APOO: variants seen among roughly 807,000 people sequenced by gnomAD.
The protein encoded by APOO is MICOS complex subunit MIC26.
In APOO, 11 loss-of-function variants were observed where a neutral mutation model predicts 23.1. The observed-to-expected ratio is 0.48, with a 90% CI of 0.30 to 0.79. The LOEUF (loss-of-function observed/expected upper bound fraction) is 0.79. Among genes scored for constraint, APOO ranks in the 30% least tolerant of loss-of-function variants. The pLI is 0.07. For synonymous variants in APOO, 59 were observed against 54.8 expected (o/e 1.08, Z -0.34); for missense variants, 160 against 142.7 (o/e 1.12, Z -0.62).
intron 7 of APOO, among the ~76,000 whole-genome samples, chrX:23,853,768 G>C (rs913554374): frequency 1.8e-5 from 2 of 110,196 alleles, no homozygotes; most frequent in South Asian, 3.9e-4. Context: ...TGGGACTACA[G>C]GTGCATGCCA....
intron 5 of APOO, among the ~76,000 whole-genome samples, chrX:23,864,452 G>A (rs1005552364): frequency 9.0e-6 from 1 of 110,536 alleles, no homozygotes. Flanking sequence ...ACAGGCACCC[G>A]CCACCACGCC....
At chrX:23,834,145 A>G (rs1569222425) in intron 8 of APOO, among the ~76,000 whole-genome samples, 1 of 110,525 alleles carries the variant, frequency 9.0e-6, no homozygotes, top group African/African-American at 3.3e-5. Context: ...CTGTAATCCC[A>G]GCACTTTAGG....
chrX:23,880,800 T>G (rs773759275), intron 2 of APOO, 45 bp downstream of exon 2: 35 of 893,503 alleles, frequency 3.9e-5, no homozygotes, highest in Non-Finnish European at 5.3e-5. Context: ...CTACAGTAAC[T>G]AAATCAGACA....
intron 1 of APOO, among the ~76,000 whole-genome samples, chrX:23,888,745 G>A (rs180673583): frequency 1.1e-3 from 113 of 107,022 alleles, no homozygotes; most frequent in Middle Eastern, 4.8e-3. Flanking sequence ...AGCTACTCGG[G>A]AGGCTGAGGC....
At chrX:23,891,628 T>C (rs1287363707) in intron 1 of APOO, among the ~76,000 whole-genome samples, 1 of 111,895 alleles carries the variant, frequency 8.9e-6, no homozygotes, top group Non-Finnish European at 1.9e-5. Context: ...GTTTCCTGTG[T>C]TTCTAACTCC....
At chrX:23,899,299 CAA>C (rs1927032490) in intron 1 of APOO, among the ~76,000 whole-genome samples, 1 of 112,409 alleles carries the variant, frequency 8.9e-6, no homozygotes, top group South Asian at 3.6e-4. Context: ...GCTTAACAAT[CAA>C]AGTCATAGGC....
At position 23,841,119 on chromosome X, in the gene APOO, G is replaced by A. The variant is rs7473255; in HGVS notation, c.562-742C>T. On this transcript the variant is annotated intron_variant, in intron 7 of 8. Coordinates refer to ENST00000379226, the MANE Select transcript of APOO (RefSeq NM_024122.5). ...GAGGCTGCAGCTGGGCGGGCCATGG[G>A]GGCTAAGATTCTGTTGTATAGACTT... Among the ~76,000 whole-genome samples, 400 of 111,905 alleles carry A rather than the reference G, an allele frequency of 3.6e-3. 1 individual carries two copies. The highest frequency in any genetic ancestry group is 0.012 in the African/African-American group (385 of 30,879).
chrX:23,900,846 T>C (rs889003706), intron 1 of APOO, among the ~76,000 whole-genome samples: 7 of 111,109 alleles, frequency 6.3e-5, no homozygotes, highest in Non-Finnish European at 1.1e-4. Context: ...AAACAACCAA[T>C]TGATTCTGCA....
At chrX:23,903,016 G>C (rs915982023) in intron 1 of APOO, among the ~76,000 whole-genome samples, 1 of 111,756 alleles carries the variant, frequency 8.9e-6, no homozygotes, top group Non-Finnish European at 1.9e-5. Context: ...TTCATCTACC[G>C]ATTGGCTTCA....
At chrX:23,833,911 G>A (rs1452672619) in intron 8 of APOO, among the ~76,000 whole-genome samples, 3 of 111,402 alleles carry the variant, frequency 2.7e-5, no homozygotes, top group Non-Finnish European at 3.8e-5. Flanking sequence ...TTGAACCTAG[G>A]AGACAGAGGC....
At chrX:23,844,690 C>T (rs978582895) in intron 7 of APOO, among the ~76,000 whole-genome samples, 2 of 111,961 alleles carry the variant, frequency 1.8e-5, no homozygotes, top group African/African-American at 6.5e-5. Flanking sequence ...CGCAACCCTG[C>T]TGACACCTTG....
At chrX:23,904,569 C>T (rs1251095996) in intron 1 of APOO, among the ~76,000 whole-genome samples, 1 of 95,552 alleles carries the variant, frequency 1.0e-5, no homozygotes, top group Non-Finnish European at 2.0e-5. Context: ...TTCAGTGGTG[C>T]GATCTCAGCT....
chrX:23,901,529 A>G (rs1239600180), intron 1 of APOO, among the ~76,000 whole-genome samples: 3 of 111,853 alleles, frequency 2.7e-5, no homozygotes, highest in Non-Finnish European at 5.6e-5. Flanking sequence ...TAGATCCCAC[A>G]GTCAAAAGTC....
chrX:23,895,343 C>G (rs1926851983), intron 1 of APOO, among the ~76,000 whole-genome samples: 1 of 111,456 alleles, frequency 9.0e-6, no homozygotes, highest in South Asian at 3.8e-4. Context: ...AGAATGAGTT[C>G]TTTATAGGGA....
At chrX:23,870,115 T>C (rs1601913174) in intron 4 of APOO, among the ~76,000 whole-genome samples, 1 of 111,464 alleles carries the variant, frequency 9.0e-6, no homozygotes, top group African/African-American at 3.3e-5. Flanking sequence ...CTGTTGATGG[T>C]GATAGAATAA....
intron 5 of APOO, among the ~76,000 whole-genome samples, chrX:23,861,335 G>A (rs1328709944): frequency 9.1e-6 from 1 of 109,350 alleles, no homozygotes; most frequent in African/African-American, 3.3e-5. Context: ...TCTCTTGCTC[G>A]CACTCTTGCC....
chrX:23,835,066 T>TA (rs1193693199), intron 8 of APOO, among the ~76,000 whole-genome samples: 1 of 104,846 alleles, frequency 9.5e-6, no homozygotes, highest in Non-Finnish European at 2.0e-5. Flanking sequence ...ATTAGAGATT[T>TA]TTTTTTTTTT....
At chrX:23,903,555 T>C (rs1927223516) in intron 1 of APOO, among the ~76,000 whole-genome samples, 1 of 111,348 alleles carries the variant, frequency 9.0e-6, no homozygotes, top group Non-Finnish European at 1.9e-5. Flanking sequence ...ATAAAATTCA[T>C]CACTAAGTTA....
chrX:23,837,430 G>A, intron 8 of APOO: 1 of 491,371 alleles, frequency 2.0e-6, no homozygotes. Flanking sequence ...AGGGTGAAGT[G>A]GGAGGATCAC....
Sources: allele counts gnomAD v4.1 joint callset (sites outside exome capture counted in the v4.1 genomes callset), GRCh38; gene constraint gnomAD v4.1.1; transcripts MANE v1.5; gene names NCBI Gene and HGNC (gene_info 2026-07-23, HGNC 2026-07-21).